CPNE7: variants seen among roughly 807,000 people sequenced by gnomAD.
The protein encoded by CPNE7 is copine-7.
A neutral mutation model predicts 66.5 loss-of-function variants in CPNE7; 78 were observed. That is an observed-to-expected ratio of 1.17 (90% CI 0.98 to 1.42). The LOEUF is 1.42. Among genes scored for constraint, CPNE7 ranks in the 40% most tolerant of loss-of-function variants. The pLI is 0.00. For synonymous variants in CPNE7, 468 were observed against 336.7 expected, an observed-to-expected ratio of 1.39 and a Z score of -4.27; for missense variants, 1,012 against 776.6, an observed-to-expected ratio of 1.30 and a Z score of -3.60.
rs759829709 is a variant in CPNE7 at position 89,587,071 on chromosome 16, A to T, written c.896A>T (p.Tyr299Phe). 6.3e-7 allele frequency: 1 copy of T among 1,577,950 alleles called. No individual in the cohort carries two copies. The highest frequency in any genetic ancestry group is 1.2e-5 in the South Asian group (1 of 86,552). Residue 299 changes from tyrosine to phenylalanine, a missense_variant, in exon 9 of 15, where the codon TAT becomes TTT. Physicochemically the swap from Tyr to Phe is conservative, Grantham distance 22. Transcript: ENST00000319518. ...CACAGGGTGTACTCCTTCCTGGACT[A>T]TATCATGGGCGGCTGCCAGATCCAC... Reference protein sequence around the residue: ...KFHRVYSFLDYIMGGCQIHFT... With the variant: ...KFHRVYSFLDFIMGGCQIHFT...
intron 8 of CPNE7, 106 bp from the exon 9 acceptor site, chr16:89,586,937 G>T: frequency 8.4e-7 from 1 of 1,197,068 alleles, no homozygotes; most frequent in Non-Finnish European, 1.2e-6. Context: ...GAGGAGGGTG[G>T]CACCCCAGAG....
At position 89,577,625 on chromosome 16, in the gene CPNE7, G is replaced by C; in HGVS notation, c.261G>C (p.Gln87His). The C allele has an allele frequency of 6.3e-7, 1 of 1,575,706 alleles. No homozygotes were observed. Among genetic ancestry groups the C allele is most frequent in the Non-Finnish European group, 8.6e-7 (1 of 1,160,340 alleles). ...FTVDYYFEEV[Q>H]RLRFEVYDTH... ...TGGACTACTACTTCGAGGAGGTGCA[G>C]AGGCTGCGCTTTGAGGTGTACGACA... is the stretch of plus-strand genomic sequence containing the variant. Residue 87 changes from glutamine to histidine, a missense_variant, in exon 2 of 15, where the codon CAG becomes CAC. Gln to His is a conservative substitution (Grantham distance 24). Transcript: ENST00000319518.
At chr16:89,590,080 G>A (rs1202322614) in intron 11 of CPNE7, 129 bp downstream of exon 11, 15 of 1,052,750 alleles carry the variant, frequency 1.4e-5, no homozygotes, top group Middle Eastern at 2.5e-4. Flanking sequence ...GGATTGGGGT[G>A]CAAAGCGGGA....
Position 89,584,136 on chromosome 16 carries a change from C to T in CPNE7, c.507+34C>T. 2 of 1,592,494 alleles carry T rather than the reference C, an allele frequency of 1.3e-6. No individual in the cohort carries two copies. Among genetic ancestry groups the T allele is most frequent in the Non-Finnish European group, 8.5e-7 (1 of 1,170,616 alleles). Reference sequence around the variant, plus strand: ...AGGTGCCGGGCACGCCTGGCTCAGGCTGAGGTCCGGGAACCGGTTCGAAAA... The same window carrying T: ...AGGTGCCGGGCACGCCTGGCTCAGGTTGAGGTCCGGGAACCGGTTCGAAAA... On this transcript the variant is annotated intron_variant, in intron 4 of 14. Transcript: ENST00000319518. The surrounding 1 kb of genome is among the most constrained non-coding windows in gnomAD (Gnocchi z 6.0).
intron 1 of CPNE7, among the ~76,000 whole-genome samples, chr16:89,577,033 G>C (rs2058871096): frequency 6.6e-6 from 1 of 152,234 alleles, no homozygotes; most frequent in Non-Finnish European, 1.5e-5. Flanking sequence ...CCCTTGGTTT[G>C]AGGTGCAGGA....
chr16:89,585,211 C>T (rs1403674777), intron 5 of CPNE7, among the ~76,000 whole-genome samples: 1 of 152,218 alleles, frequency 6.6e-6, no homozygotes, highest in Non-Finnish European at 1.5e-5. Context: ...GAGAGCAGCG[C>T]AGGTGGCTCA....
intron 9 of CPNE7, 136 bp from the exon 10 acceptor site, chr16:89,588,539 C>A: frequency 9.6e-7 from 1 of 1,043,680 alleles, no homozygotes; most frequent in Admixed American, 2.2e-5. Context: ...GCCCCAACAG[C>A]AGCCCCCCAG....
intron 7 of CPNE7, 25 bp downstream of exon 7, chr16:89,585,810 C>T (rs1332129606): frequency 2.8e-6 from 3 of 1,062,924 alleles, no homozygotes; most frequent in Admixed American, 5.1e-5. Context: ...GTAGGGGGTC[C>T]TCCAGGGAGG....
In CPNE7 at chr16:89,596,531, G is replaced by T. The variant is rs1453060547; in HGVS notation, c.1587G>T (p.Lys529Asn). The T allele has an allele frequency of 6.2e-7, 1 of 1,610,140 alleles. No individual in the cohort carries two copies. Among genetic ancestry groups the T allele is most frequent in the Admixed American group, 1.7e-5 (1 of 59,988 alleles). ...LAKCVLAEVP[K>N]QVVEYYSHRG... is the part of the protein sequence containing the mutation. ...AGTGCGTGCTGGCCGAGGTCCCGAA[G>T]CAGGTGGTGGAGTACTACAGCCACA... The change falls in exon 15 of 15, where the codon AAG becomes AAT. Residue 529 changes from lysine (K) to asparagine (N), a missense_variant. By Grantham distance (94) the Lys-to-Asn change is moderately conservative (BLOSUM62 0). Transcript: ENST00000319518.
chr16:89,586,489 TC>T (rs1446014145), intron 7 of CPNE7, among the ~76,000 whole-genome samples, 180 bp from the exon 8 acceptor site: 3 of 151,740 alleles, frequency 2.0e-5, no homozygotes, highest in African/African-American at 7.3e-5. Flanking sequence ...GCAACTCCCA[TC>T]CCTCTTCATT....
chr16:89,587,209 C>A, intron 9 of CPNE7, 107 bp downstream of exon 9: 1 of 518,622 alleles, frequency 1.9e-6, no homozygotes, highest in Non-Finnish European at 3.3e-6. Flanking sequence ...AGTCTGTGGC[C>A]CCGCCCATCC....
chr16:89,584,072 C>T lies in CPNE7; in HGVS notation c.477C>T (p.Leu159=), dbSNP rs780534297. Residue 159 remains leucine (L), a synonymous_variant, in exon 4 of 15, where the codon CTC becomes CTT. Transcript: ENST00000319518. This position sits in a 1 kb window ranked among gnomAD's most constrained non-coding sequence, Gnocchi z 6.0. ...DISGNNGYVE[L]SFRARKLDDK... is the part of the protein sequence containing the mutation. The stretch of plus-strand genomic sequence containing the variant: ...CGGGGAACAACGGCTACGTGGAGCT[C>T]TCCTTCCGGGCCAGGAAGCTGGACG... 1.2e-6 allele frequency: 2 copies of T among 1,612,050 alleles called. No individual in the cohort carries two copies. Among genetic ancestry groups the T allele is most frequent in the Non-Finnish European group, 1.7e-6 (2 of 1,179,586 alleles).
intron 2 of CPNE7, among the ~76,000 whole-genome samples, chr16:89,579,727 GGAACATCCCATCACCCATCACACA>G (rs1215479812): frequency 1.1e-3 from 167 of 146,472 alleles, no homozygotes; most frequent in African/African-American, 4.0e-3. Context: ...CCCATCACAC[GGAACATCCCATCACCCATCACACA>G]GAACATCTCA....
At chr16:89,594,825 T>A (rs2059228463) in intron 13 of CPNE7, among the ~76,000 whole-genome samples, 1 of 151,916 alleles carries the variant, frequency 6.6e-6, no homozygotes, top group Non-Finnish European at 1.5e-5. Flanking sequence ...CTAGTTTTTG[T>A]ATTTTTAGTA....
chr16:89,577,351 G>T (rs72805552), intron 1 of CPNE7, among the ~76,000 whole-genome samples, 188 bp from the exon 2 acceptor site: 5 of 152,292 alleles, frequency 3.3e-5, no homozygotes, highest in South Asian at 4.1e-4. Context: ...GACAGTGGTG[G>T]CCAGGGGTGA....
At chr16:89,589,790 C>A in intron 10 of CPNE7, 107 bp from the exon 11 acceptor site, 1 of 1,243,056 alleles carries the variant, frequency 8.0e-7, no homozygotes, top group Admixed American at 2.0e-5. Context: ...GGTACCAGGC[C>A]TGGGCACCCC....
chr16:89,578,010 T>A (rs2151425917), intron 2 of CPNE7, among the ~76,000 whole-genome samples: 1 of 152,216 alleles, frequency 6.6e-6, no homozygotes, highest in South Asian at 2.1e-4. Context: ...CAGAGAGAGA[T>A]TTTCACAGGA....
At chr16:89,577,361 AC>A (rs2058876106) in intron 1 of CPNE7, among the ~76,000 whole-genome samples, 177 bp from the exon 2 acceptor site, 1 of 151,786 alleles carries the variant, frequency 6.6e-6, no homozygotes, top group African/African-American at 2.4e-5. Context: ...GCCAGGGGTG[AC>A]CCCCAGGGTG....
At chr16:89,583,364 A>C in intron 2 of CPNE7, 2 of 1,361,770 alleles carry the variant, frequency 1.5e-6, no homozygotes, top group Non-Finnish European at 2.0e-6. Context: ...CGTCCGCCAC[A>C]CCTGTGCAGG....
Sources: gnomAD v4.1 joint callset for allele counts (sites outside exome capture counted in the v4.1 genomes callset) on GRCh38, gnomAD v4.1.1 for gene constraint, Gnocchi (gnomAD v3.1) non-coding constraint, MANE v1.5 for transcripts, NCBI Gene and HGNC (gene_info 2026-07-23, HGNC 2026-07-21) for gene names.